Variants in GSE1 observed in about 807,000 individuals in gnomAD.
The protein encoded by GSE1 is genetic suppressor element 1.
In GSE1, 32 loss-of-function variants were observed where a neutral mutation model predicts 112.6. That is an observed-to-expected ratio of 0.28 (90% CI 0.21 to 0.38). The LOEUF (loss-of-function observed/expected upper bound fraction) is 0.38. Among genes scored for constraint, GSE1 ranks in the 10% least tolerant of loss-of-function variants. GSE1 has a pLI of 1.00. For missense variants in GSE1, 2,348 were observed against 1,699.2 expected (o/e 1.38, Z -6.71); for synonymous variants, 1,115 against 735.6 (o/e 1.52, Z -8.35).
chr16:85,275,773 G>T (rs1597259703), intron 1 of GSE1, among the ~76,000 whole-genome samples: 1 of 152,226 alleles, frequency 6.6e-6, no homozygotes, highest in South Asian at 2.1e-4. Flanking sequence ...GAACCGGGGC[G>T]CTGAGCCCCA....
intron 1 of GSE1, among the ~76,000 whole-genome samples, chr16:85,226,930 C>T (rs12918557): frequency 0.065 from 9,807 of 151,996 alleles, 607 homozygotes; most frequent in East Asian, 0.19. Context: ...TGAGGTTCTC[C>T]TTGCAGGAAT....
chr16:85,594,790 AGTGTCTGTGGCTGGTGAGTGC>A (rs1254401383), intron 1 of GSE1: 3 of 152,308 alleles, frequency 2.0e-5, no homozygotes, highest in African/African-American at 7.2e-5. Flanking sequence ...ACACAGGCCC[AGTGTCTGTGGCTGGTGAGTGC>A]GTGACTGCTG....
intron 1 of GSE1, among the ~76,000 whole-genome samples, chr16:85,255,138 G>A (rs951398243): frequency 1.3e-5 from 2 of 152,226 alleles, no homozygotes; most frequent in Admixed American, 6.5e-5. Flanking sequence ...AGGGGCGGGC[G>A]TGAGAGGCAG....
chr16:85,204,398 A>G (rs1261132371), intron 1 of GSE1, among the ~76,000 whole-genome samples: 1 of 152,218 alleles, frequency 6.6e-6, no homozygotes, highest in Non-Finnish European at 1.5e-5. Flanking sequence ...TAGTGTGAGT[A>G]ATGCTGCTGT....
chr16:85,276,543 C>T (rs1287367361), intron 1 of GSE1, among the ~76,000 whole-genome samples: 1 of 152,204 alleles, frequency 6.6e-6, no homozygotes, highest in Non-Finnish European at 1.5e-5. Context: ...AAGGCAGGGC[C>T]TCAGGGAGCA....
At chr16:85,444,187 T>C (rs2049451228) in intron 2 of GSE1, among the ~76,000 whole-genome samples, 1 of 152,100 alleles carries the variant, frequency 6.6e-6, no homozygotes, top group Admixed American at 6.5e-5. Flanking sequence ...GCTTTCACCA[T>C]GTCGGCCAGG....
chr16:85,214,833 T>C (rs1168789744), intron 1 of GSE1, among the ~76,000 whole-genome samples: 1 of 137,298 alleles, frequency 7.3e-6, no homozygotes, highest in Non-Finnish European at 1.6e-5. Flanking sequence ...CCCTCGTGGA[T>C]GGACAGGTGG....
chr16:85,503,456 C>A lies in GSE1; in HGVS notation c.2465-130458C>A, dbSNP rs557481426. On this transcript the variant is annotated intron_variant, in intron 2 of 2. Transcript: ENST00000637419. ...CCTCGGCCTTGAGAGAACTCTGGGGCCTCTTGCTCTGAGCCAGGTCAGAGC... is the reference window on the plus strand; with the variant it reads ...CCTCGGCCTTGAGAGAACTCTGGGGACTCTTGCTCTGAGCCAGGTCAGAGC... Among the ~76,000 whole-genome samples the A allele has an allele frequency of 3.8e-4, 58 of 152,176 alleles. 1 individual carries two copies. The highest frequency in any genetic ancestry group is 3.2e-4 in the Non-Finnish European group (22 of 68,022).
At chr16:85,307,331 A>T (rs1316181600) in intron 1 of GSE1, among the ~76,000 whole-genome samples, 1 of 152,208 alleles carries the variant, frequency 6.6e-6, no homozygotes, top group Admixed American at 6.5e-5. Flanking sequence ...GCGACGTTCC[A>T]AGGCAGCTTC....
intron 1 of GSE1, among the ~76,000 whole-genome samples, chr16:85,260,542 C>G (rs1481371864): frequency 1.3e-5 from 2 of 152,098 alleles, no homozygotes; most frequent in Non-Finnish European, 2.9e-5. Flanking sequence ...AGGCTAGTCT[C>G]GAACTGCTGA....
At chr16:85,624,606 C>A (rs984230819) in intron 1 of GSE1, among the ~76,000 whole-genome samples, 2 of 152,238 alleles carry the variant, frequency 1.3e-5, no homozygotes, top group African/African-American at 4.8e-5. Flanking sequence ...CAGCCGGCAC[C>A]ATGGCCAGGA....
intron 1 of GSE1, among the ~76,000 whole-genome samples, chr16:85,326,363 T>C (rs2046228554): frequency 6.6e-6 from 1 of 152,228 alleles, no homozygotes; most frequent in South Asian, 2.1e-4. Flanking sequence ...GGGATGATTG[T>C]TGTTGGGTTA....
In GSE1 at chr16:85,419,215, G is replaced by A. The variant is rs1169766507; in HGVS notation, c.2464+61572G>A. ...GGCTGCCTTAGTCTCTGCAGGGACA[G>A]CAGTGAGGGTGCCCGGGCCCTGCCC... On this transcript the variant is annotated intron_variant, in intron 2 of 2. Transcript: ENST00000637419. The surrounding 1 kb of genome is among the most constrained non-coding windows in gnomAD (Gnocchi z 6.5). Among the ~76,000 whole-genome samples, 1 of 152,238 alleles carries A rather than the reference G, an allele frequency of 6.6e-6. No individual in the cohort carries two copies. The highest frequency in any genetic ancestry group is 2.4e-5 in the African/African-American group (1 of 41,448).
At chr16:85,321,478 A>T (rs1042909336) in intron 1 of GSE1, among the ~76,000 whole-genome samples, 4 of 152,160 alleles carry the variant, frequency 2.6e-5, no homozygotes, top group African/African-American at 9.7e-5. Context: ...ACTAAAAATT[A>T]AAAAATTAGG....
At chr16:85,450,929 C>A (rs1225166676) in intron 2 of GSE1, among the ~76,000 whole-genome samples, 1 of 152,058 alleles carries the variant, frequency 6.6e-6, no homozygotes, top group Non-Finnish European at 1.5e-5. Context: ...CAAAAATTAG[C>A]TGGGCATGGT....
chr16:85,364,556 G>A (rs1018622072), intron 2 of GSE1, among the ~76,000 whole-genome samples: 4 of 152,204 alleles, frequency 2.6e-5, no homozygotes, highest in Non-Finnish European at 5.9e-5. Context: ...TTCATGGTGG[G>A]TCTTCCTGAT....
intron 2 of GSE1, among the ~76,000 whole-genome samples, chr16:85,430,669 T>C (rs922860277): frequency 2.0e-5 from 3 of 152,198 alleles, no homozygotes; most frequent in African/African-American, 7.2e-5. Flanking sequence ...TCTGGCTTGA[T>C]AGTCCCCAGG....
chr16:85,386,786 C>T (rs947305176), intron 2 of GSE1, among the ~76,000 whole-genome samples: 3 of 152,196 alleles, frequency 2.0e-5, no homozygotes, highest in African/African-American at 7.2e-5. Flanking sequence ...CCTGGGACAC[C>T]CCTTCCAGAG....
chr16:85,401,551 G>A (rs1193952018), intron 2 of GSE1, among the ~76,000 whole-genome samples: 1 of 152,200 alleles, frequency 6.6e-6, no homozygotes, highest in Non-Finnish European at 1.5e-5. Context: ...GGGCTTGGGA[G>A]GGCAGGGTGG....
Sources: gnomAD v4.1 joint callset for allele counts (sites outside exome capture counted in the v4.1 genomes callset) on GRCh38, gnomAD v4.1.1 for gene constraint, Gnocchi (gnomAD v3.1) non-coding constraint, MANE v1.5 for transcripts, NCBI Gene and HGNC (gene_info 2026-07-23, HGNC 2026-07-21) for gene names.